SEMA3A: variants seen among roughly 807,000 people sequenced by gnomAD.
The protein encoded by SEMA3A is semaphorin-3A.
SEMA3A carries 29 observed loss-of-function variants against 97.9 expected under a neutral mutation model. The observed-to-expected ratio is 0.30, with a 90% CI of 0.22 to 0.40. The LOEUF (loss-of-function observed/expected upper bound fraction) is 0.40, where lower values mean the gene tolerates loss of function less well. Ranked by LOEUF, SEMA3A falls within the 10% of genes least tolerant of loss-of-function variation. The pLI is 1.00. For synonymous variants in SEMA3A, 321 were observed against 323.7 expected (o/e 0.99, Z 0.09); for missense variants, 763 against 951.3 (o/e 0.80, Z 2.60).
intron 3 of SEMA3A, among the ~76,000 whole-genome samples, chr7:84,252,918 G>A (rs540696394): frequency 3.6e-4 from 54 of 151,832 alleles, no homozygotes; most frequent in Non-Finnish European, 6.8e-4. Flanking sequence ...TCACTCTGTC[G>A]CCCAGGCTGG....
intron 12 of SEMA3A, among the ~76,000 whole-genome samples, chr7:83,990,323 T>C (rs896330159): frequency 8.5e-5 from 13 of 152,182 alleles, no homozygotes; most frequent in African/African-American, 3.1e-4. Flanking sequence ...TTTAGTTTAA[T>C]TAGATCCCAT....
chr7:84,362,832 A>G (rs1008869989), intron 2 of SEMA3A, among the ~76,000 whole-genome samples: 2 of 152,002 alleles, frequency 1.3e-5, no homozygotes, highest in Non-Finnish European at 2.9e-5. Flanking sequence ...AATTGTCATA[A>G]TATATAGGAC....
intron 2 of SEMA3A, among the ~76,000 whole-genome samples, chr7:84,324,926 C>A (rs990361786): frequency 1.3e-5 from 2 of 151,930 alleles, no homozygotes; most frequent in Non-Finnish European, 2.9e-5. Context: ...CACTATAATT[C>A]GGTAGATGCA....
chr7:84,300,275 TAC>T (rs1391182715), intron 3 of SEMA3A, among the ~76,000 whole-genome samples: 1 of 151,954 alleles, frequency 6.6e-6, no homozygotes, highest in Non-Finnish European at 1.5e-5. Context: ...ATACATTTCA[TAC>T]ACATATACAC....
In SEMA3A at chr7:84,403,594, C is replaced by T. The variant is rs930198922; in HGVS notation, c.-245-31694G>A. ...TGAGATCTGAGAACGGGCAGACTGC[C>T]TCCTCAAGTGGGTCCCTGACCCCCG... On this transcript the variant is annotated intron_variant, in intron 1 of 3. Transcript: ENST00000424555. 1.4e-4 allele frequency among the ~76,000 whole-genome samples: 21 copies of T among 152,174 alleles called. 1 individual carries two copies. The highest frequency in any genetic ancestry group is 1.4e-3 in the Admixed American group (21 of 15,282).
rs1246121079 is a variant in SEMA3A, at chr7:83,961,088, A to G, written c.*283T>C. ...ATTTTTATTTCTCAGGCAAAGAAGA[A>G]AGACAAACCTGTACAGTGAAATCTC... On this transcript the variant is annotated 3_prime_UTR_variant, in exon 17 of 17. Transcript: ENST00000265362. The G allele has an allele frequency of 8.1e-6, 3 of 372,040 alleles. No homozygotes were observed. Among genetic ancestry groups the G allele is most frequent in the Non-Finnish European group, 1.5e-5 (3 of 204,838 alleles). The allele number at this position is 372,040 out of a possible 1,614,324, so 23.0% of individuals were successfully genotyped here.
At chr7:84,043,201 C>G (rs1048089103) in intron 6 of SEMA3A, among the ~76,000 whole-genome samples, 2 of 151,980 alleles carry the variant, frequency 1.3e-5, no homozygotes, top group Non-Finnish European at 2.9e-5. Context: ...AAATACACAA[C>G]AGACTCCATT....
intron 1 of SEMA3A, among the ~76,000 whole-genome samples, chr7:84,464,362 G>A (rs1197519207): frequency 1.3e-5 from 2 of 152,174 alleles, no homozygotes; most frequent in Admixed American, 1.3e-4. Flanking sequence ...GTAAGAGAAG[G>A]TTGCTTTGAG....
At chr7:84,367,676 G>A (rs922834297) in intron 2 of SEMA3A, among the ~76,000 whole-genome samples, 2 of 150,818 alleles carry the variant, frequency 1.3e-5, no homozygotes, top group African/African-American at 2.4e-5. Flanking sequence ...AGGAATAATG[G>A]AATGAAAAAG....
chr7:84,040,487 C>T (rs953829821), intron 6 of SEMA3A, among the ~76,000 whole-genome samples: 2 of 152,046 alleles, frequency 1.3e-5, no homozygotes, highest in East Asian at 1.9e-4. Flanking sequence ...ATTGTTTTTC[C>T]ACTCTACAAA....
intron 3 of SEMA3A, among the ~76,000 whole-genome samples, chr7:84,255,002 G>T (rs961051953): frequency 6.6e-6 from 1 of 152,104 alleles, no homozygotes; most frequent in African/African-American, 2.4e-5. Flanking sequence ...GTTTTTGACT[G>T]CTGGGGAAAA....
chr7:84,058,405 A>G (rs1793081061), intron 5 of SEMA3A, among the ~76,000 whole-genome samples: 2 of 152,206 alleles, frequency 1.3e-5, no homozygotes, highest in Non-Finnish European at 2.9e-5. Flanking sequence ...ACTAGTGAGC[A>G]TTCTTTTTAG....
At chr7:84,341,429 A>C (rs987492428) in intron 2 of SEMA3A, among the ~76,000 whole-genome samples, 2 of 152,086 alleles carry the variant, frequency 1.3e-5, no homozygotes, top group African/African-American at 2.4e-5. Context: ...CAAGTCATTA[A>C]GATAATTTTT....
intron 2 of SEMA3A, among the ~76,000 whole-genome samples, chr7:84,322,895 C>T (rs1562903195): frequency 1.3e-5 from 2 of 152,154 alleles, no homozygotes; most frequent in African/African-American, 2.4e-5. Context: ...ATTTCTAATA[C>T]TGAGGGAGAA....
chr7:84,126,490 G>A (rs1795799923), intron 3 of SEMA3A, among the ~76,000 whole-genome samples: 1 of 152,104 alleles, frequency 6.6e-6, no homozygotes, highest in Non-Finnish European at 1.5e-5. Context: ...ACAGGCATGG[G>A]CTACCGCGCC....
At chr7:84,014,491 C>G in intron 6 of SEMA3A, 140 bp from the exon 7 acceptor site, 1 of 667,576 alleles carries the variant, frequency 1.5e-6, no homozygotes, top group South Asian at 2.0e-5. Flanking sequence ...TTTGTAGGTA[C>G]ATATTAATTG....
intron 4 of SEMA3A, among the ~76,000 whole-genome samples, chr7:84,064,299 C>A (rs1034424302): frequency 3.3e-5 from 5 of 152,100 alleles, no homozygotes; most frequent in African/African-American, 1.2e-4. Flanking sequence ...CAACTGGTAC[C>A]AGCCACTGCA....
intron 2 of SEMA3A, among the ~76,000 whole-genome samples, chr7:84,311,180 G>A (rs974093692): frequency 1.3e-5 from 2 of 151,862 alleles, no homozygotes; most frequent in African/African-American, 4.8e-5. Flanking sequence ...GGTTTTAGGT[G>A]CAAAATTAAA....
intron 2 of SEMA3A, among the ~76,000 whole-genome samples, chr7:84,351,122 A>T (rs562830354): frequency 6.6e-6 from 1 of 151,902 alleles, no homozygotes; most frequent in East Asian, 1.9e-4. Flanking sequence ...ACTAGAACAT[A>T]TTTTTGAGAT....
Sources: gnomAD v4.1 joint callset for allele counts (sites outside exome capture counted in the v4.1 genomes callset) on GRCh38, gnomAD v4.1.1 for gene constraint, MANE v1.5 for transcripts, NCBI Gene and HGNC (gene_info 2026-07-23, HGNC 2026-07-21) for gene names.